The following NCOA6 variants were observed in gnomAD, a reference collection of about 807,000 sequenced individuals.
NCOA6 encodes NRC RAP250.
Under a neutral mutation model 171.4 loss-of-function variants are expected in NCOA6, and 49 were observed. The ratio of observed to expected loss-of-function variants is 0.29; its 90% CI spans 0.23 to 0.36. NCOA6 has a LOEUF of 0.36. NCOA6 is among the 10% of genes least tolerant of loss of function. The probability of loss-of-function intolerance (pLI) is 1.00; values close to 1 mark genes in which losing one functional copy is unlikely to be tolerated. For missense variants in NCOA6, 2,248 were observed against 2,554.5 expected (o/e 0.88, Z 2.59); for synonymous variants, 910 against 927.5 (o/e 0.98, Z 0.34).
At position 34,741,915 on chromosome 20, in the gene NCOA6, T is replaced by C. The variant is rs2076156065; in HGVS notation, c.4341A>G (p.Gln1447=). The change falls in exon 11 of 15, where the codon CAA becomes CAG. Residue 1447 remains glutamine (Q), a synonymous_variant. Coordinates refer to ENST00000359003, the MANE Select transcript of NCOA6 (RefSeq NM_014071.5). ...VNIELKAVPA[Q]EVKMVVPEDQ... Reference sequence around the variant, plus strand: ...CTTCAGGGACAACCATTTTAACTTCTTGGGCAGGGACTGCTTTTAGTTCAA... The same window carrying C: ...CTTCAGGGACAACCATTTTAACTTCCTGGGCAGGGACTGCTTTTAGTTCAA... The C allele has an allele frequency of 6.2e-6, 10 of 1,614,128 alleles. No individual in the cohort carries two copies. In the South Asian group the frequency reaches 1.1e-4, roughly 18 times the overall value.
chr20:34,775,305 G>GGTGTGTGT (rs112658298), intron 4 of NCOA6, among the ~76,000 whole-genome samples: 8 of 148,252 alleles, frequency 5.4e-5, no homozygotes, highest in Admixed American at 2.0e-4. Flanking sequence ...TAGGGGTGTA[G>GGTGTGTGT]GTGTGTGTGT....
intron 1 of NCOA6, among the ~76,000 whole-genome samples, chr20:34,814,354 T>G (rs1407618829): frequency 1.3e-5 from 2 of 151,610 alleles, no homozygotes; most frequent in African/African-American, 2.4e-5. Context: ...AAAAAAAAAT[T>G]GTAAAATATA....
At chr20:34,825,206 C>T (rs1191256854) in intron 1 of NCOA6, among the ~76,000 whole-genome samples, 1 of 151,880 alleles carries the variant, frequency 6.6e-6, no homozygotes, top group African/African-American at 2.4e-5. Flanking sequence ...CGCCCAGCAC[C>T]CTCCCCACCC....
intron 1 of NCOA6, among the ~76,000 whole-genome samples, chr20:34,802,173 A>G (rs891877251): frequency 1.3e-4 from 20 of 152,244 alleles, no homozygotes; most frequent in African/African-American, 4.6e-4. Context: ...ACACATTAAA[A>G]AATCATTCAT....
Position 34,742,948 on chromosome 20 carries a change from G to C in NCOA6, c.3308C>G (p.Thr1103Ser), listed in dbSNP as rs765886186. The change falls in exon 11 of 15, where the codon ACT (threonine) becomes AGT (serine). Residue 1103 changes from threonine (T) to serine (S), a missense_variant. Thr to Ser is a moderately conservative substitution (Grantham distance 58). Transcript: ENST00000359003. ...TTTCCTTGAATTGCTTCCCAAGGGAGTATTCACAGGCATTGGCATTCTTTG... is the reference window on the plus strand; with the variant it reads ...TTTCCTTGAATTGCTTCCCAAGGGACTATTCACAGGCATTGGCATTCTTTG... ...DKQRMPMPVN[T>S]PLGSNSRKMV... The C allele has an allele frequency of 1.9e-6, 3 of 1,614,124 alleles. No individual in the cohort carries two copies. The highest frequency in any genetic ancestry group is 1.1e-5 in the South Asian group (1 of 91,082).
At chr20:34,767,494 C>T (rs2077015161) in intron 5 of NCOA6, among the ~76,000 whole-genome samples, 1 of 152,098 alleles carries the variant, frequency 6.6e-6, no homozygotes, top group Non-Finnish European at 1.5e-5. Context: ...TGGGGTTTCA[C>T]CATCTTGGCC....
At position 34,748,135 on chromosome 20, in the gene NCOA6, AT is replaced by A. The variant is rs1407799460; in HGVS notation, c.2793-1208del. ...TAAGGGCTGGTGAAGATGGCAAAAA[AT>A]ACACACTAGAGGCAACTGAATAACC... On this transcript the variant is annotated intron_variant, in intron 9 of 14. Coordinates refer to ENST00000359003, the MANE Select transcript of NCOA6 (RefSeq NM_014071.5). Among the ~76,000 whole-genome samples the A allele has an allele frequency of 2.6e-5, 4 of 152,308 alleles. 1 individual carries two copies. In the East Asian group the frequency reaches 7.7e-4, roughly 29 times the overall value.
intron 13 of NCOA6, among the ~76,000 whole-genome samples, chr20:34,731,553 C>T (rs1023108510): frequency 6.6e-6 from 1 of 152,200 alleles, no homozygotes; most frequent in African/African-American, 2.4e-5. Context: ...ACATCTAGGG[C>T]ACTTGTAGCT....
chr20:34,812,640 A>G (rs1859183751), intron 1 of NCOA6, among the ~76,000 whole-genome samples: 1 of 152,156 alleles, frequency 6.6e-6, no homozygotes. Flanking sequence ...TTGTTACATA[A>G]AAAAAACAAA....
rs1046194642 is a variant in NCOA6 at position 34,741,225 on chromosome 20, T to G, written c.5031A>C (p.Thr1677=). Residue 1677 remains threonine, a synonymous_variant, in exon 11 of 15, where the codon ACA becomes ACC. Transcript: ENST00000359003. ...TGGTTGTCAGTGGGGCTGCAGGAAT[T>G]GTGCTTGGCTGTGATCCTTTCATAA... ...IQVMKGSQPS[T]IPAAPLTTNS... is the part of the protein sequence containing the mutation. The G allele has an allele frequency of 6.2e-7, 1 of 1,614,210 alleles. No homozygotes were observed. Among genetic ancestry groups the G allele is most frequent in the Non-Finnish European group, 8.5e-7 (1 of 1,180,034 alleles).
At chr20:34,729,899 CCCAACCATAAGCCAAGGTAAGT>C (rs1226542657) in intron 13 of NCOA6, among the ~76,000 whole-genome samples, 2 of 152,064 alleles carry the variant, frequency 1.3e-5, no homozygotes, top group Non-Finnish European at 2.9e-5. Flanking sequence ...CCGCCCGACA[CCCAACCATAAGCCAAGGTAAGT>C]CAAGGAGAGG....
chr20:34,771,843 C>T (rs2077160672), intron 4 of NCOA6, among the ~76,000 whole-genome samples: 1 of 152,168 alleles, frequency 6.6e-6, no homozygotes, highest in African/African-American at 2.4e-5. Context: ...ACCATCTTAT[C>T]CAAGGTTAGG....
At chr20:34,823,456 C>T (rs997337498) in intron 1 of NCOA6, among the ~76,000 whole-genome samples, 3 of 152,126 alleles carry the variant, frequency 2.0e-5, no homozygotes, top group Non-Finnish European at 2.9e-5. Context: ...TATATATGCC[C>T]GCATAATATT....
rs760313768 is a variant in NCOA6, at chr20:34,736,614, C to A, written c.5962+76G>T. 3.3e-6 allele frequency: 4 copies of A among 1,222,052 alleles called. No homozygotes were observed. In the East Asian group the frequency reaches 9.9e-5, roughly 30 times the overall value. 75.7% of individuals were successfully genotyped at this position (1,222,052 alleles called of 1,614,324 possible). ...TGTCACTTCCTGGCATAAGAACACA[C>A]GACATTGAGGACAGCAGTAGTTCCT... On this transcript the variant is annotated intron_variant, in intron 12 of 14. Coordinates refer to ENST00000359003, the MANE Select transcript of NCOA6 (RefSeq NM_014071.5).
chr20:34,741,354 C>CATG lies in NCOA6; in HGVS notation c.4901_4902insCAT (p.Ala1634_Gly1635insMet), dbSNP rs1465417301. The CATG allele has an allele frequency of 1.2e-6, 2 of 1,614,070 alleles. No homozygotes were observed. Among genetic ancestry groups the CATG allele is most frequent in the African/African-American group, 2.7e-5 (2 of 74,928 alleles). On this transcript the variant is annotated inframe_insertion, in exon 11 of 15. Coordinates refer to ENST00000359003, the MANE Select transcript of NCOA6 (RefSeq NM_014071.5). ...CCTCAGAAACCATAACCTTGCTACC[C>CATG]GCATTGGGCATTGTGACAACTGTTG...
rs143049346 is a variant in NCOA6, at chr20:34,775,078, A to G, written c.391+1215T>C. ...GTTGGTAGGGAATAGTATTTCATTT[A>G]GAGAAGACATCAATGCAAAGGACCT... On this transcript the variant is annotated intron_variant, in intron 4 of 14. Transcript: ENST00000359003. Among the ~76,000 whole-genome samples the G allele has an allele frequency of 3.1e-3, 473 of 152,288 alleles. 2 individuals carry two copies. Among genetic ancestry groups the G allele is most frequent in the Non-Finnish European group, 5.6e-3 (381 of 68,030 alleles).
chr20:34,782,939 A>G (rs542761818), intron 2 of NCOA6, among the ~76,000 whole-genome samples: 4 of 152,344 alleles, frequency 2.6e-5, no homozygotes, highest in South Asian at 4.1e-4. Context: ...AGGGTTATTA[A>G]CAGTGGAATG....
At chr20:34,727,545 T>C (rs1226890940) in intron 13 of NCOA6, 138 bp from the exon 14 acceptor site, 2 of 887,424 alleles carry the variant, frequency 2.3e-6, no homozygotes, top group Non-Finnish European at 3.4e-6. Flanking sequence ...CAGTTCAACC[T>C]GGGGTAATAA....
intron 8 of NCOA6, among the ~76,000 whole-genome samples, chr20:34,753,092 G>C (rs1365103670): frequency 1.3e-5 from 2 of 150,566 alleles, no homozygotes; most frequent in African/African-American, 2.4e-5. Flanking sequence ...GCCCAGGCTG[G>C]AGTGCAGTGG....
Sources: allele counts gnomAD v4.1 joint callset (sites outside exome capture counted in the v4.1 genomes callset), GRCh38; gene constraint gnomAD v4.1.1; transcripts MANE v1.5; gene names NCBI Gene and HGNC (gene_info 2026-07-23, HGNC 2026-07-21).